Variants in GRID1 observed in about 807,000 individuals in gnomAD.
GRID1 encodes the protein glutamate receptor ionotropic, delta-1.
GRID1 carries 28 observed loss-of-function variants against 98.0 expected under a neutral mutation model. The observed-to-expected ratio is 0.29, with a 90% CI of 0.21 to 0.39. The LOEUF (loss-of-function observed/expected upper bound fraction) is 0.39, where lower values mean the gene tolerates loss of function less well. Among genes scored for constraint, GRID1 ranks in the 10% least tolerant of loss-of-function variants. The probability of loss-of-function intolerance (pLI) is 1.00; values close to 1 mark genes in which losing one functional copy is unlikely to be tolerated. For synonymous variants in GRID1, 553 were observed against 538.5 expected, an observed-to-expected ratio of 1.03 and a Z score of -0.37; for missense variants, 1,111 against 1,340.5, an observed-to-expected ratio of 0.83 and a Z score of 2.67.
intron 4 of GRID1, among the ~76,000 whole-genome samples, chr10:85,938,218 T>G (rs1841952107): frequency 6.6e-6 from 1 of 152,144 alleles, no homozygotes; most frequent in African/African-American, 2.4e-5. Flanking sequence ...TCCACCTGAA[T>G]TAAGGAGAAA....
Position 85,723,009 on chromosome 10 carries a change from G to C in GRID1, c.1991C>G (p.Pro664Arg), listed in dbSNP as rs1028796340. The C allele has an allele frequency of 1.2e-6, 2 of 1,609,144 alleles. No individual in the cohort carries two copies. The highest frequency in any genetic ancestry group is 2.2e-5 in the East Asian group (1 of 44,706). Residue 664 changes from proline (P) to arginine (R), a missense_variant, in exon 12 of 16, where the codon CCC (proline) becomes CGC (arginine). Coordinates refer to ENST00000327946, the MANE Select transcript of GRID1 (RefSeq NM_017551.3). The part of the protein sequence containing the change: ...AFLTVSRMDN[P>R]IRTFQDLSKQ... ...CAAGGAGGAATAGGCTTACCTTATGGGGTTGTCCATCCTGGACACTGTGAG... is the reference window on the plus strand; with the variant it reads ...CAAGGAGGAATAGGCTTACCTTATGCGGTTGTCCATCCTGGACACTGTGAG...
At chr10:85,630,472 C>T (rs11201700) in intron 13 of GRID1, among the ~76,000 whole-genome samples, 4 of 152,308 alleles carry the variant, frequency 2.6e-5, no homozygotes, top group South Asian at 2.1e-4. Context: ...GATAACAACG[C>T]GAGTGCCTTG....
intron 6 of GRID1, among the ~76,000 whole-genome samples, chr10:85,866,303 C>CAAA (rs201164587): frequency 4.9e-4 from 32 of 65,394 alleles, no homozygotes; most frequent in African/African-American, 1.7e-3. Context: ...TAAATCACAC[C>CAAA]AAAAAAAAAA....
intron 8 of GRID1, among the ~76,000 whole-genome samples, chr10:85,826,207 T>C (rs7072370): frequency 0.15 from 22,437 of 151,916 alleles, 1,923 homozygotes; most frequent in African/African-American, 0.21. Flanking sequence ...TGGTGGCACA[T>C]GCCTGCAATC....
chr10:85,975,804 T>C (rs1240149481), intron 4 of GRID1, among the ~76,000 whole-genome samples: 1 of 152,178 alleles, frequency 6.6e-6, no homozygotes, highest in Non-Finnish European at 1.5e-5. Context: ...AGGCCACCTT[T>C]CCCAAAAACT....
intron 4 of GRID1, among the ~76,000 whole-genome samples, chr10:86,035,041 G>A (rs548571602): frequency 6.6e-6 from 1 of 151,758 alleles, no homozygotes; most frequent in African/African-American, 2.4e-5. Context: ...CTAGGATCTA[G>A]GCTCCAGGGA....
chr10:86,272,683 G>T (rs974271744), intron 2 of GRID1, among the ~76,000 whole-genome samples: 3 of 152,120 alleles, frequency 2.0e-5, no homozygotes, highest in African/African-American at 7.2e-5. Context: ...AAAGACACTT[G>T]GGACAAAAGA....
chr10:85,740,047 G>T (rs1190873911), intron 8 of GRID1, among the ~76,000 whole-genome samples: 1 of 152,114 alleles, frequency 6.6e-6, no homozygotes, highest in Non-Finnish European at 1.5e-5. Flanking sequence ...TTTTCATTTT[G>T]AAACTGCAGT....
chr10:85,929,451 T>C (rs1401996783), intron 4 of GRID1, among the ~76,000 whole-genome samples: 1 of 152,224 alleles, frequency 6.6e-6, no homozygotes, highest in Admixed American at 6.5e-5. Context: ...AGTTGACCAG[T>C]GTCATTTGAA....
chr10:86,338,869 TCA>T, intron 2 of GRID1, among the ~76,000 whole-genome samples: 2 of 152,170 alleles, frequency 1.3e-5, no homozygotes, highest in South Asian at 2.1e-4. Context: ...CCATTTTAAT[TCA>T]CACAAATACC....
intron 4 of GRID1, among the ~76,000 whole-genome samples, chr10:85,932,384 T>C (rs762934077): frequency 2.0e-5 from 3 of 152,186 alleles, no homozygotes; most frequent in Non-Finnish European, 4.4e-5. Flanking sequence ...GTTAATTTTC[T>C]TTTTAATTTT....
intron 2 of GRID1, among the ~76,000 whole-genome samples, chr10:86,226,021 C>T (rs1846337268): frequency 6.6e-6 from 1 of 152,054 alleles, no homozygotes; most frequent in Non-Finnish European, 1.5e-5. Flanking sequence ...AATTAATAGT[C>T]ACCTAATGAA....
chr10:86,047,486 G>A (rs1383372002), intron 4 of GRID1, among the ~76,000 whole-genome samples: 1 of 152,360 alleles, frequency 6.6e-6, no homozygotes, highest in East Asian at 1.9e-4. Flanking sequence ...ATAGGGTGGT[G>A]TGTACAATTT....
chr10:85,714,300 T>C (rs1841614199), intron 12 of GRID1, among the ~76,000 whole-genome samples: 1 of 151,974 alleles, frequency 6.6e-6, no homozygotes, highest in South Asian at 2.1e-4. Context: ...AAAATGGCTA[T>C]CAAGTACTAT....
In GRID1 at chr10:85,633,733, C is replaced by T. The variant is rs557546271; in HGVS notation, c.2193+13469G>A. On this transcript the variant is annotated intron_variant, in intron 13 of 15. Transcript: ENST00000327946. ...TAAAATGTCAGAGCTCACACAACAG[C>T]CTTGGAGCACTTTGAGGAGCTACAA... 1.4e-4 allele frequency among the ~76,000 whole-genome samples: 21 copies of T among 152,314 alleles called. 1 individual carries two copies. The South Asian group carries it at 4.4e-3, about 32-fold the overall frequency.
chr10:85,994,941 C>A (rs189963755), intron 4 of GRID1, among the ~76,000 whole-genome samples: 16 of 152,312 alleles, frequency 1.1e-4, no homozygotes, highest in Admixed American at 2.6e-4. Context: ...TTCCACCTGG[C>A]TGAAACAACT....
chr10:86,363,475 G>C (rs1848630219), intron 2 of GRID1, among the ~76,000 whole-genome samples: 1 of 152,222 alleles, frequency 6.6e-6, no homozygotes, highest in African/African-American at 2.4e-5. Flanking sequence ...TTATGCCCGG[G>C]AGAAGGAGAC....
chr10:86,099,762 C>T (rs569005981), intron 4 of GRID1, among the ~76,000 whole-genome samples: 83 of 152,312 alleles, frequency 5.4e-4, no homozygotes, highest in African/African-American at 1.8e-3. Context: ...TGTCCATCCT[C>T]AGGGTCCGAC....
At chr10:85,714,345 A>G (rs776383143) in intron 12 of GRID1, among the ~76,000 whole-genome samples, 70 of 151,912 alleles carry the variant, frequency 4.6e-4, no homozygotes, top group Non-Finnish European at 9.1e-4. Context: ...TGTACATCAA[A>G]CCCCCATGAC....
Sources: gnomAD v4.1 joint callset for allele counts (sites outside exome capture counted in the v4.1 genomes callset) on GRCh38, gnomAD v4.1.1 for gene constraint, MANE v1.5 for transcripts, NCBI Gene and HGNC (gene_info 2026-07-23, HGNC 2026-07-21) for gene names.